Variants in KIF26B observed in about 807,000 individuals in gnomAD.
The protein encoded by KIF26B is kinesin family member 26B.
Under a neutral mutation model 151.2 loss-of-function variants are expected in KIF26B, and 63 were observed. That is an observed-to-expected ratio of 0.42 (90% CI 0.34 to 0.51). The LOEUF (loss-of-function observed/expected upper bound fraction) is 0.51, where lower values mean the gene tolerates loss of function less well. KIF26B is among the 20% of genes least tolerant of loss of function. The probability of loss-of-function intolerance (pLI) is 0.07; values close to 1 mark genes in which losing one functional copy is unlikely to be tolerated. For synonymous variants in KIF26B, 1,357 were observed against 1,262.1 expected (o/e 1.08, Z -1.59); for missense variants, 2,813 against 2,913.6 (o/e 0.97, Z 0.79).
chr1:245,475,388 T>C (rs761808844), intron 4 of KIF26B, among the ~76,000 whole-genome samples: 1 of 151,832 alleles, frequency 6.6e-6, no homozygotes, highest in African/African-American at 2.4e-5. Context: ...TAGGGTTCCA[T>C]TGTTTACAAT....
chr1:245,281,278 C>T (rs1184227008), intron 2 of KIF26B, among the ~76,000 whole-genome samples: 1 of 77,656 alleles, frequency 1.3e-5, no homozygotes, highest in South Asian at 4.5e-4. Context: ...TGTTTCCTGA[C>T]TTTTTAATGA....
Position 245,684,245 on chromosome 1 carries a change from C to G in KIF26B, c.2271C>G (p.Leu757=). Residue 757 remains leucine, a synonymous_variant, in exon 11 of 15, where the codon CTC becomes CTG. Transcript: ENST00000407071. ...CTTTGTTTGGCAGAGAGAGCAAGCT[C>G]GCCATGTTGCTGCGGGAGTCTCTGG... ...SKHIPYKESK[L]AMLLRESLGN... is the part of the protein sequence containing the mutation. The G allele has an allele frequency of 6.2e-7, 1 of 1,613,228 alleles. No homozygotes were observed. Among genetic ancestry groups the G allele is most frequent in the Non-Finnish European group, 8.5e-7 (1 of 1,179,316 alleles).
intron 5 of KIF26B, among the ~76,000 whole-genome samples, chr1:245,579,266 G>A (rs2043152071): frequency 1.3e-5 from 2 of 152,108 alleles, no homozygotes; most frequent in African/African-American, 2.4e-5. Flanking sequence ...TGGAAACTTT[G>A]CACAAAGAAA....
chr1:245,539,770 A>G (rs1316254039), intron 4 of KIF26B, among the ~76,000 whole-genome samples: 1 of 152,114 alleles, frequency 6.6e-6, no homozygotes, highest in Non-Finnish European at 1.5e-5. Flanking sequence ...CTCCTGCCTC[A>G]GCCTCCCGAA....
chr1:245,217,737 G>T (rs1182339744), intron 2 of KIF26B, among the ~76,000 whole-genome samples: 1 of 152,040 alleles, frequency 6.6e-6, no homozygotes, highest in East Asian at 1.9e-4. Flanking sequence ...TACCCGCCTT[G>T]CTCGCCAAGA....
At chr1:245,223,724 T>A (rs529529802) in intron 2 of KIF26B, among the ~76,000 whole-genome samples, 2 of 152,226 alleles carry the variant, frequency 1.3e-5, no homozygotes, top group Non-Finnish European at 2.9e-5. Context: ...CCAACACTCC[T>A]TCAGGGGGTC....
intron 2 of KIF26B, among the ~76,000 whole-genome samples, chr1:245,286,015 A>AT (rs1491540694): frequency 3.4e-5 from 5 of 147,624 alleles, no homozygotes; most frequent in Non-Finnish European, 7.5e-5. Context: ...AAAAAAAAAA[A>AT]GGAAAAGAAA....
rs1157634485 is a variant in KIF26B at position 245,287,494 on chromosome 1, C to CT, written c.466-79339dup. ...GGGTCCCTGTGTGTCTCATCTCTCT[C>CT]TCTCTTTTTTTTTTTTTTTTTTTCC... On this transcript the variant is annotated intron_variant, in intron 2 of 14. Coordinates refer to ENST00000407071, the MANE Select transcript of KIF26B (RefSeq NM_018012.4). Among the ~76,000 whole-genome samples the CT allele has an allele frequency of 5.5e-3, 618 of 113,100 alleles. 21 individuals are homozygous for CT. The highest frequency in any genetic ancestry group is 8.3e-3 in the African/African-American group (197 of 23,858). The allele number at this position is 113,100 out of a possible 152,430, so 74.2% of individuals were successfully genotyped here.
At chr1:245,284,259 G>C (rs773420412) in intron 2 of KIF26B, among the ~76,000 whole-genome samples, 1 of 152,124 alleles carries the variant, frequency 6.6e-6, no homozygotes, top group African/African-American at 2.4e-5. Flanking sequence ...AGGTGTATCT[G>C]TGTTGATTTA....
At chr1:245,478,032 C>G (rs913853250) in intron 4 of KIF26B, among the ~76,000 whole-genome samples, 1 of 151,860 alleles carries the variant, frequency 6.6e-6, no homozygotes, top group Non-Finnish European at 1.5e-5. Flanking sequence ...CATCAACATT[C>G]TGGCTCTACG....
At chr1:245,293,240 A>C (rs527574169) in intron 2 of KIF26B, among the ~76,000 whole-genome samples, 1 of 151,970 alleles carries the variant, frequency 6.6e-6, no homozygotes, top group Admixed American at 6.6e-5. Flanking sequence ...TGTCCTGATC[A>C]GTCTGTTTTG....
In KIF26B at chr1:245,540,598, A is replaced by G; in HGVS notation, c.1167-169A>G. 1 of 750,400 alleles carries G rather than the reference A, an allele frequency of 1.3e-6. No individual in the cohort carries two copies. Among genetic ancestry groups the G allele is most frequent in the Non-Finnish European group, 2.5e-6 (1 of 407,864 alleles). 46.5% of individuals were successfully genotyped at this position (750,400 alleles called of 1,614,324 possible). On this transcript the variant is annotated intron_variant, in intron 4 of 14. Transcript: ENST00000407071. The surrounding 1 kb of genome is among the most constrained non-coding windows in gnomAD (Gnocchi z 4.6). Reference sequence around the variant, plus strand: ...GTATAAATGATTGGGTAGCTCGTTAACTTCACTCTGTTATAGTAAGGGACT... The same window carrying G: ...GTATAAATGATTGGGTAGCTCGTTAGCTTCACTCTGTTATAGTAAGGGACT...
intron 12 of KIF26B, 34 bp downstream of exon 12, chr1:245,688,841 G>A (rs773897576): frequency 1.4e-5 from 21 of 1,531,924 alleles, no homozygotes; most frequent in Admixed American, 1.3e-4. Context: ...CGGGTGAGGA[G>A]GGCGGCAGGT....
At chr1:245,593,351 A>G (rs530440731) in intron 5 of KIF26B, among the ~76,000 whole-genome samples, 13 of 151,814 alleles carry the variant, frequency 8.6e-5, no homozygotes, top group Middle Eastern at 3.4e-3. Flanking sequence ...GCCCCGGTGT[A>G]TGATGTTCCC....
Position 245,276,259 on chromosome 1 carries a change from C to G in KIF26B, c.466-90575C>G, listed in dbSNP as rs993400687. Among the ~76,000 whole-genome samples, 5 of 152,044 alleles carry G rather than the reference C, an allele frequency of 3.3e-5. No individual in the cohort carries two copies. In the South Asian group the frequency reaches 6.2e-4, roughly 19 times the overall value. ...CTGAGGCAGGAGAATCACTTGAACT[C>G]GAGAGGCAGAGGTTGCAGTGAGTTG... On this transcript the variant is annotated intron_variant, in intron 2 of 14. Coordinates refer to ENST00000407071, the MANE Select transcript of KIF26B (RefSeq NM_018012.4).
At chr1:245,342,943 G>A (rs558278378) in intron 2 of KIF26B, among the ~76,000 whole-genome samples, 21 of 152,098 alleles carry the variant, frequency 1.4e-4, no homozygotes, top group African/African-American at 2.9e-4. Flanking sequence ...AAAATTAGCC[G>A]AGTGTGGTGG....
At chr1:245,454,125 C>T (rs576668605) in intron 4 of KIF26B, among the ~76,000 whole-genome samples, 27 of 152,230 alleles carry the variant, frequency 1.8e-4, no homozygotes, top group South Asian at 8.3e-4. Context: ...TTAATGAGAT[C>T]CTAGGGCTCC....
At chr1:245,530,441 T>TCAATAGA (rs971399004) in intron 4 of KIF26B, among the ~76,000 whole-genome samples, 4 of 152,212 alleles carry the variant, frequency 2.6e-5, no homozygotes, top group Admixed American at 6.5e-5. Context: ...TAAGCATCCA[T>TCAATAGA]CAATAGACAA....
intron 4 of KIF26B, among the ~76,000 whole-genome samples, chr1:245,525,584 A>G (rs541177436): frequency 6.6e-6 from 1 of 152,380 alleles, no homozygotes; most frequent in East Asian, 1.9e-4. Context: ...GCTGTTGTGT[A>G]AACGTGGGAA....
Sources: allele counts gnomAD v4.1 joint callset (sites outside exome capture counted in the v4.1 genomes callset), GRCh38; gene constraint gnomAD v4.1.1; non-coding constraint Gnocchi (gnomAD v3.1); transcripts MANE v1.5; gene names NCBI Gene and HGNC (gene_info 2026-07-23, HGNC 2026-07-21).